MAGI2: variants seen among roughly 807,000 people sequenced by gnomAD.
MAGI2 encodes the protein membrane-associated guanylate kinase, WW and PDZ domain-containing protein 2.
MAGI2 carries 35 observed loss-of-function variants against 133.3 expected under a neutral mutation model. The ratio of observed to expected loss-of-function variants is 0.26; its 90% CI spans 0.20 to 0.35. MAGI2 has a LOEUF of 0.35. Ranked by LOEUF, MAGI2 falls within the 10% of genes least tolerant of loss-of-function variation. The probability of loss-of-function intolerance (pLI) is 1.00; values close to 1 mark genes in which losing one functional copy is unlikely to be tolerated. For synonymous variants in MAGI2, 729 were observed against 710.6 expected, an observed-to-expected ratio of 1.03 and a Z score of -0.41; for missense variants, 1,636 against 1,863.4, an observed-to-expected ratio of 0.88 and a Z score of 2.25.
At chr7:79,096,818 A>C (rs1241142175) in intron 1 of MAGI2, among the ~76,000 whole-genome samples, 1 of 152,158 alleles carries the variant, frequency 6.6e-6, no homozygotes, top group African/African-American at 2.4e-5. Flanking sequence ...CTACACTAGC[A>C]ACCAAAATTG....
intron 2 of MAGI2, among the ~76,000 whole-genome samples, chr7:78,971,512 C>T (rs1378680194): frequency 2.6e-5 from 4 of 151,672 alleles, no homozygotes; most frequent in Non-Finnish European, 5.9e-5. Context: ...TATAGGACAC[C>T]CAGTTAATTT....
chr7:78,133,212 C>G (rs1476708815), intron 17 of MAGI2, 152 bp from the exon 18 acceptor site: 5 of 612,074 alleles, frequency 8.2e-6, no homozygotes, highest in Middle Eastern at 9.0e-4. Context: ...TTAATCTTAT[C>G]AAGTTCTAAT....
At chr7:79,396,330 G>C (rs928415592) in intron 1 of MAGI2, among the ~76,000 whole-genome samples, 3 of 152,082 alleles carry the variant, frequency 2.0e-5, no homozygotes, top group Admixed American at 1.3e-4. Flanking sequence ...AAGGGTAGCA[G>C]AGCCATAGAA....
chr7:79,292,249 GTATACAATTTCATTTA>G (rs1335445325), intron 1 of MAGI2, among the ~76,000 whole-genome samples: 1 of 152,114 alleles, frequency 6.6e-6, no homozygotes, highest in Admixed American at 6.5e-5. Flanking sequence ...TCATTGGTCT[GTATACAATTTCATTTA>G]TTTACTTATT....
At chr7:79,028,438 G>A (rs1300320449) in intron 1 of MAGI2, among the ~76,000 whole-genome samples, 1 of 150,730 alleles carries the variant, frequency 6.6e-6, no homozygotes, top group African/African-American at 2.4e-5. Context: ...TGCTAGAGAG[G>A]CAGTTGTATT....
At chr7:78,886,792 A>G (rs1796304883) in intron 2 of MAGI2, among the ~76,000 whole-genome samples, 1 of 152,122 alleles carries the variant, frequency 6.6e-6, no homozygotes, top group Non-Finnish European at 1.5e-5. Context: ...TGAGCTCTCA[A>G]TTATATGTTT....
chr7:79,058,736 A>C (rs1446995323), intron 1 of MAGI2, among the ~76,000 whole-genome samples: 1 of 152,158 alleles, frequency 6.6e-6, no homozygotes, highest in Non-Finnish European at 1.5e-5. Flanking sequence ...ATAAATATAC[A>C]CTGCTGGAAA....
At chr7:78,133,370 A>G (rs901035820) in intron 17 of MAGI2, among the ~76,000 whole-genome samples, 6 of 152,200 alleles carry the variant, frequency 3.9e-5, no homozygotes, top group African/African-American at 1.2e-4. Flanking sequence ...GCTCTAAAAC[A>G]TACTCTATTT....
At chr7:78,247,441 C>T (rs1241283068) in intron 10 of MAGI2, among the ~76,000 whole-genome samples, 3 of 151,868 alleles carry the variant, frequency 2.0e-5, no homozygotes, top group Admixed American at 2.0e-4. Context: ...TGTAACTAAC[C>T]TCCAGAAAAA....
intron 2 of MAGI2, among the ~76,000 whole-genome samples, chr7:78,792,098 T>C (rs1406770273): frequency 6.6e-6 from 1 of 152,150 alleles, no homozygotes; most frequent in Non-Finnish European, 1.5e-5. Flanking sequence ...AGATTCACTA[T>C]ATTACCTAGT....
At chr7:78,886,538 C>T (rs1326216526) in intron 2 of MAGI2, among the ~76,000 whole-genome samples, 1 of 152,200 alleles carries the variant, frequency 6.6e-6, no homozygotes, top group East Asian at 1.9e-4. Context: ...CAAGGGGAAA[C>T]TTCTCTGGTC....
intron 1 of MAGI2, among the ~76,000 whole-genome samples, chr7:79,392,585 T>C (rs909669058): frequency 1.3e-5 from 2 of 152,232 alleles, no homozygotes; most frequent in Admixed American, 6.5e-5. Context: ...ATTGTGGTTT[T>C]GATTTGCATT....
intron 2 of MAGI2, among the ~76,000 whole-genome samples, chr7:78,685,264 T>C (rs1018090966): frequency 1.3e-5 from 2 of 152,202 alleles, no homozygotes; most frequent in Non-Finnish European, 2.9e-5. Context: ...AGAGCTGTCC[T>C]TTTTGTTAAT....
intron 2 of MAGI2, among the ~76,000 whole-genome samples, chr7:79,003,993 T>A (rs6466468): frequency 0.73 from 110,963 of 152,084 alleles, 40,596 homozygotes; most frequent in East Asian, 0.82. Context: ...ACTCTTACAC[T>A]CTGTTGGTAG....
chr7:79,373,975 C>A (rs1843216622), intron 1 of MAGI2, among the ~76,000 whole-genome samples: 1 of 151,876 alleles, frequency 6.6e-6, no homozygotes, highest in South Asian at 2.1e-4. Context: ...ATATTATGCA[C>A]CAGTGTAAAA....
At chr7:78,899,437 A>T (rs951941013) in intron 2 of MAGI2, among the ~76,000 whole-genome samples, 1 of 152,224 alleles carries the variant, frequency 6.6e-6, no homozygotes, top group Non-Finnish European at 1.5e-5. Flanking sequence ...AATAGGCACT[A>T]CAAGCAATGA....
chr7:79,375,753 A>G (rs1174205909), intron 1 of MAGI2, among the ~76,000 whole-genome samples: 2 of 151,942 alleles, frequency 1.3e-5, no homozygotes, highest in East Asian at 1.9e-4. Flanking sequence ...AGGGATTCAT[A>G]TCATATGGGA....
At chr7:78,997,898 C>T (rs1222361176) in intron 2 of MAGI2, among the ~76,000 whole-genome samples, 1 of 152,148 alleles carries the variant, frequency 6.6e-6, no homozygotes, top group African/African-American at 2.4e-5. Context: ...ATAAAGATTA[C>T]AATAACATTT....
At chr7:78,322,332 T>C (rs1230691994) in intron 9 of MAGI2, among the ~76,000 whole-genome samples, 1 of 152,144 alleles carries the variant, frequency 6.6e-6, no homozygotes, top group Admixed American at 6.5e-5. Context: ...GCGGCACTAT[T>C]TACAATAGCA....
Sources: allele counts gnomAD v4.1 joint callset (sites outside exome capture counted in the v4.1 genomes callset), GRCh38; gene constraint gnomAD v4.1.1; transcripts MANE v1.5; gene names NCBI Gene and HGNC (gene_info 2026-07-23, HGNC 2026-07-21).